PDE11A: variants seen among roughly 807,000 people sequenced by gnomAD.
PDE11A encodes the protein phosphodiesterase 11A.
PDE11A carries 100 observed loss-of-function variants against 100.5 expected under a neutral mutation model. The ratio of observed to expected loss-of-function variants is 1.00; its 90% CI spans 0.85 to 1.18. The LOEUF is 1.18. Ranked by LOEUF, PDE11A falls within the 50% of genes most tolerant of loss-of-function variation. The pLI is 0.00. For synonymous variants in PDE11A, 381 were observed against 420.8 expected (o/e 0.91, Z 1.16); for missense variants, 1,141 against 1,152.6 (o/e 0.99, Z 0.15).
At chr2:177,885,450 A>G (rs772146990) in intron 4 of PDE11A, among the ~76,000 whole-genome samples, 1 of 152,148 alleles carries the variant, frequency 6.6e-6, no homozygotes, top group African/African-American at 2.4e-5. Context: ...TGGAACCAAT[A>G]CCCAACAGAT....
At chr2:177,744,541 A>G (rs1469410547) in intron 10 of PDE11A, among the ~76,000 whole-genome samples, 2 of 152,120 alleles carry the variant, frequency 1.3e-5, no homozygotes, top group Non-Finnish European at 2.9e-5. Flanking sequence ...ACCTTATTCA[A>G]TCACTATCTA....
intron 9 of PDE11A, among the ~76,000 whole-genome samples, chr2:177,816,586 T>A (rs542046040): frequency 9.8e-5 from 15 of 152,324 alleles, no homozygotes; most frequent in African/African-American, 2.4e-4. Context: ...AATGTAATTT[T>A]AAAAAATCTA....
intron 2 of PDE11A, among the ~76,000 whole-genome samples, chr2:177,939,522 AGGGAGGG>A (rs1406951490): frequency 3.5e-5 from 3 of 86,714 alleles, no homozygotes; most frequent in Non-Finnish European, 7.2e-5. Context: ...GAGGGAAGGG[AGGGAGGG>A]AGGAAGGAAG....
chr2:177,688,542 G>A (rs994583450), intron 15 of PDE11A, among the ~76,000 whole-genome samples: 16 of 151,884 alleles, frequency 1.1e-4, no homozygotes, highest in South Asian at 1.0e-3. Flanking sequence ...CCCAATACCC[G>A]CTGGATCCAG....
chr2:178,022,841 A>G (rs1274061567), intron 1 of PDE11A, among the ~76,000 whole-genome samples: 1 of 152,224 alleles, frequency 6.6e-6, no homozygotes, highest in Non-Finnish European at 1.5e-5. Context: ...TAAAGTTGTT[A>G]AAATCTGGAA....
intron 2 of PDE11A, among the ~76,000 whole-genome samples, chr2:177,988,661 C>G (rs2085968135): frequency 6.6e-6 from 1 of 152,200 alleles, no homozygotes; most frequent in South Asian, 2.1e-4. Context: ...GTAGCCAGTC[C>G]TGCCAGAGTG....
intron 12 of PDE11A, among the ~76,000 whole-genome samples, chr2:177,715,471 C>T (rs113533783): frequency 1.2e-4 from 16 of 132,232 alleles, no homozygotes; most frequent in African/African-American, 6.2e-4. Flanking sequence ...TTTTTCTTTT[C>T]TTTTTTTTTT....
chr2:177,718,694 A>G (rs967591776), intron 12 of PDE11A, among the ~76,000 whole-genome samples: 3 of 152,240 alleles, frequency 2.0e-5, no homozygotes, highest in African/African-American at 7.2e-5. Context: ...AGATATTATC[A>G]GTAGTGGAAT....
intron 16 of PDE11A, among the ~76,000 whole-genome samples, chr2:177,677,028 G>A (rs1379948206): frequency 2.0e-5 from 3 of 152,208 alleles, no homozygotes; most frequent in South Asian, 4.1e-4. Context: ...TAAAGCATTG[G>A]ATTTCTCAGC....
chr2:177,658,366 G>A (rs1462454848), intron 19 of PDE11A, among the ~76,000 whole-genome samples: 4 of 152,108 alleles, frequency 2.6e-5, no homozygotes, highest in African/African-American at 9.7e-5. Context: ...AGGAAAAAGT[G>A]GAGCCAGATA....
chr2:177,669,988 C>A (rs1286175235), intron 17 of PDE11A, among the ~76,000 whole-genome samples: 1 of 152,186 alleles, frequency 6.6e-6, no homozygotes, highest in East Asian at 1.9e-4. Flanking sequence ...TATTTTGTTG[C>A]ATACTTTTAT....
chr2:177,688,999 G>T (rs1248403193), intron 15 of PDE11A, among the ~76,000 whole-genome samples: 1 of 152,130 alleles, frequency 6.6e-6, no homozygotes, highest in African/African-American at 2.4e-5. Flanking sequence ...TAACTCCTTT[G>T]AATCTACTGA....
intron 2 of PDE11A, among the ~76,000 whole-genome samples, chr2:177,972,698 T>A (rs1052135353): frequency 4.0e-5 from 6 of 150,868 alleles, no homozygotes; most frequent in African/African-American, 9.8e-5. Flanking sequence ...TGAGGAGGAG[T>A]TGGCCCTAGA....
chr2:177,922,353 G>A (rs762431605), intron 2 of PDE11A, among the ~76,000 whole-genome samples: 1 of 151,968 alleles, frequency 6.6e-6, no homozygotes, highest in Non-Finnish European at 1.5e-5. Flanking sequence ...GAGTTAATGG[G>A]TGCAGCACAC....
chr2:177,839,853 T>C (rs2083461063), intron 6 of PDE11A, among the ~76,000 whole-genome samples: 1 of 152,220 alleles, frequency 6.6e-6, no homozygotes, highest in Non-Finnish European at 1.5e-5. Context: ...TAATATATTC[T>C]GTATATCAAC....
intron 19 of PDE11A, among the ~76,000 whole-genome samples, chr2:177,636,951 G>A (rs2080047340): frequency 6.6e-6 from 1 of 152,174 alleles, no homozygotes; most frequent in South Asian, 2.1e-4. Context: ...AAAGTAACTA[G>A]CTACAGTCTG....
intron 9 of PDE11A, among the ~76,000 whole-genome samples, chr2:177,793,178 G>T (rs1419415252): frequency 6.6e-6 from 1 of 152,138 alleles, no homozygotes; most frequent in African/African-American, 2.4e-5. Context: ...GGCGGATAAA[G>T]ACTTCATTAG....
At chr2:177,776,532 T>A (rs1056218762) in intron 9 of PDE11A, among the ~76,000 whole-genome samples, 4 of 152,162 alleles carry the variant, frequency 2.6e-5, no homozygotes, top group African/African-American at 4.8e-5. Flanking sequence ...AGGGGAATTG[T>A]GCCCCCCAAT....
intron 2 of PDE11A, among the ~76,000 whole-genome samples, chr2:177,968,153 G>T (rs1481434074): frequency 1.3e-5 from 2 of 152,024 alleles, no homozygotes; most frequent in Non-Finnish European, 2.9e-5. Context: ...TTGGTAACAA[G>T]GTAACAAAGA....
Sources: gnomAD v4.1 joint callset for allele counts (sites outside exome capture counted in the v4.1 genomes callset) on GRCh38, gnomAD v4.1.1 for gene constraint, MANE v1.5 for transcripts, NCBI Gene and HGNC (gene_info 2026-07-23, HGNC 2026-07-21) for gene names.